The following CNTNAP2 variants were observed in gnomAD, a reference collection of about 807,000 sequenced individuals.
The protein encoded by CNTNAP2 is contactin-associated protein-like 2.
A neutral mutation model predicts 155.2 loss-of-function variants in CNTNAP2; 98 were observed. The observed-to-expected ratio is 0.63, with a 90% CI of 0.54 to 0.75. The LOEUF (loss-of-function observed/expected upper bound fraction) is 0.75. CNTNAP2 is among the 30% of genes least tolerant of loss of function. The pLI is 0.00. For synonymous variants in CNTNAP2, 651 were observed against 631.2 expected, an observed-to-expected ratio of 1.03 and a Z score of -0.47; for missense variants, 1,727 against 1,688.1, an observed-to-expected ratio of 1.02 and a Z score of -0.40.
chr7:147,212,505 T>C (rs975294649), intron 8 of CNTNAP2, among the ~76,000 whole-genome samples: 3 of 152,140 alleles, frequency 2.0e-5, no homozygotes, highest in African/African-American at 4.8e-5. Flanking sequence ...AAATACCCTA[T>C]GTTCACAATT....
At chr7:147,308,827 G>A (rs1795076153) in intron 9 of CNTNAP2, among the ~76,000 whole-genome samples, 1 of 152,092 alleles carries the variant, frequency 6.6e-6, no homozygotes, top group Admixed American at 6.6e-5. Flanking sequence ...CTCAGATCAA[G>A]TCTTGGCTGA....
chr7:148,411,867 G>A (rs1361077593), intron 23 of CNTNAP2, among the ~76,000 whole-genome samples: 1 of 151,236 alleles, frequency 6.6e-6, no homozygotes, highest in Non-Finnish European at 1.5e-5. Context: ...GTGTGTGTGT[G>A]TGTGTCTATT....
intron 15 of CNTNAP2, among the ~76,000 whole-genome samples, chr7:148,046,990 T>C (rs565050943): frequency 1.1e-3 from 168 of 152,320 alleles, no homozygotes; most frequent in Middle Eastern, 0.01. Flanking sequence ...AGAATAGCTG[T>C]TAACCATGGC....
chr7:148,240,463 T>A (rs1402543484), intron 20 of CNTNAP2, among the ~76,000 whole-genome samples: 1 of 152,154 alleles, frequency 6.6e-6, no homozygotes, highest in Non-Finnish European at 1.5e-5. Flanking sequence ...ACACAGCACG[T>A]AACGAGATTT....
intron 13 of CNTNAP2, chr7:147,896,912 A>G (rs1398745943): frequency 6.6e-6 from 1 of 152,210 alleles, no homozygotes; most frequent in Non-Finnish European, 1.5e-5. Flanking sequence ...GCCTACACCC[A>G]GGAATGAATA....
chr7:146,483,343 T>G (rs1302860754), intron 1 of CNTNAP2, among the ~76,000 whole-genome samples: 2 of 101,742 alleles, frequency 2.0e-5, no homozygotes, highest in Non-Finnish European at 4.3e-5. Context: ...ATATATATAT[T>G]TAAGCACAGA....
At position 146,248,230 on chromosome 7, in the gene CNTNAP2, T is replaced by C. The variant is rs567618126; in HGVS notation, c.97+131257T>C. 2.0e-5 allele frequency among the ~76,000 whole-genome samples: 3 copies of C among 151,396 alleles called. No individual in the cohort carries two copies. In the East Asian group the frequency reaches 6.0e-4, roughly 30 times the overall value. On this transcript the variant is annotated intron_variant, in intron 1 of 23. Coordinates refer to ENST00000361727, the MANE Select transcript of CNTNAP2 (RefSeq NM_014141.6). ...GAGGTTGGAGTATTTGCCCCTCCTC[T>C]AGAAAAGCAGGACTTGCCGCTCAGG...
intron 1 of CNTNAP2, among the ~76,000 whole-genome samples, chr7:146,509,893 A>C (rs1797441209): frequency 6.6e-6 from 1 of 151,996 alleles, no homozygotes; most frequent in South Asian, 2.1e-4. Context: ...CACACAGGGG[A>C]CCTGTCCACC....
intron 11 of CNTNAP2, among the ~76,000 whole-genome samples, chr7:147,522,503 T>G (rs1278731154): frequency 6.6e-6 from 1 of 152,080 alleles, no homozygotes; most frequent in African/African-American, 2.4e-5. Flanking sequence ...TATTTAGAAT[T>G]ATTACCAAAA....
chr7:146,152,570 C>G (rs1040925747), intron 1 of CNTNAP2, among the ~76,000 whole-genome samples: 8 of 152,056 alleles, frequency 5.3e-5, no homozygotes, highest in Admixed American at 2.6e-4. Flanking sequence ...TGTTACCCAG[C>G]TGGATGTAGT....
Position 148,417,658 on chromosome 7 carries a change from A to G in CNTNAP2, c.*2042A>G, listed in dbSNP as rs1284838011. The G allele has an allele frequency of 6.6e-6, 1 of 152,206 alleles. No individual in the cohort carries two copies. The highest frequency in any genetic ancestry group is 2.4e-5 in the African/African-American group (1 of 41,452). 9.4% of individuals were successfully genotyped at this position (152,206 alleles called of 1,614,324 possible). On this transcript the variant is annotated 3_prime_UTR_variant, in exon 24 of 24. Coordinates refer to ENST00000361727, the MANE Select transcript of CNTNAP2 (RefSeq NM_014141.6). Reference sequence around the variant, plus strand: ...GTTACTTTATGTATTGTTGAAAGCAAATTTTAAACATGATGTTTTAGAAGT... The same window carrying G: ...GTTACTTTATGTATTGTTGAAAGCAGATTTTAAACATGATGTTTTAGAAGT...
intron 21 of CNTNAP2, among the ~76,000 whole-genome samples, chr7:148,334,118 T>A (rs113198149): frequency 0.025 from 3,785 of 152,280 alleles, 67 homozygotes; most frequent in Non-Finnish European, 0.036. Context: ...TACATCCCCA[T>A]CCTAATGAAT....
intron 12 of CNTNAP2, among the ~76,000 whole-genome samples, chr7:147,598,016 A>G (rs1290220850): frequency 6.6e-6 from 1 of 152,182 alleles, no homozygotes; most frequent in Non-Finnish European, 1.5e-5. Flanking sequence ...AGAATGTGGA[A>G]TGGGAAGGAG....
chr7:146,518,288 G>T (rs1317915409), intron 1 of CNTNAP2, among the ~76,000 whole-genome samples: 2 of 151,604 alleles, frequency 1.3e-5, no homozygotes, highest in African/African-American at 4.8e-5. Flanking sequence ...GGAATCAGAT[G>T]ATATTTGATA....
chr7:146,436,366 G>T lies in CNTNAP2; in HGVS notation c.97+319393G>T, dbSNP rs147121705. ...TGTTGATGTGGCTATATATGTTGCA[G>T]TGGTGATAATAAAAATGTGGATTCA... On this transcript the variant is annotated intron_variant, in intron 1 of 23. Transcript: ENST00000361727. 1.8e-3 allele frequency among the ~76,000 whole-genome samples: 276 copies of T among 152,272 alleles called. 1 individual carries two copies. Among genetic ancestry groups the T allele is most frequent in the African/African-American group, 5.9e-3 (245 of 41,566 alleles).
intron 13 of CNTNAP2, among the ~76,000 whole-genome samples, chr7:147,815,122 C>A (rs1209708609): frequency 6.6e-6 from 1 of 151,992 alleles, no homozygotes; most frequent in Non-Finnish European, 1.5e-5. Context: ...AGTATGATGC[C>A]CTTTTATGAA....
At chr7:147,646,249 A>G (rs1795362484) in intron 13 of CNTNAP2, among the ~76,000 whole-genome samples, 2 of 152,156 alleles carry the variant, frequency 1.3e-5, no homozygotes, top group Non-Finnish European at 2.9e-5. Context: ...TGACTTGAAA[A>G]ACTGGCCAAC....
chr7:147,945,328 C>A (rs952322721), intron 14 of CNTNAP2, among the ~76,000 whole-genome samples: 11 of 151,752 alleles, frequency 7.2e-5, no homozygotes, highest in African/African-American at 2.7e-4. Flanking sequence ...TTTTTAAAAT[C>A]AATTTGGAAT....
intron 1 of CNTNAP2, among the ~76,000 whole-genome samples, chr7:146,295,855 A>G (rs1800506108): frequency 6.6e-6 from 1 of 150,804 alleles, no homozygotes; most frequent in South Asian, 2.1e-4. Flanking sequence ...AGCCTGGGCG[A>G]CAGAGTGAGA....
Sources: allele counts gnomAD v4.1 joint callset (sites outside exome capture counted in the v4.1 genomes callset), GRCh38; gene constraint gnomAD v4.1.1; transcripts MANE v1.5; gene names NCBI Gene and HGNC (gene_info 2026-07-23, HGNC 2026-07-21).